The following DERA variants were observed in gnomAD, a reference collection of about 807,000 sequenced individuals.
DERA encodes the protein 2-deoxy-D-ribose 5-phosphate aldolase.
Under a neutral mutation model 41.1 loss-of-function variants are expected in DERA, and 15 were observed. That is an observed-to-expected ratio of 0.37 (90% CI 0.24 to 0.56). DERA has a LOEUF of 0.56. DERA is among the 20% of genes least tolerant of loss of function. The probability of loss-of-function intolerance (pLI) is 0.81; values close to 1 mark genes in which losing one functional copy is unlikely to be tolerated. For missense variants in DERA, 396 were observed against 403.4 expected, an observed-to-expected ratio of 0.98 and a Z score of 0.16; for synonymous variants, 139 against 137.4, an observed-to-expected ratio of 1.01 and a Z score of -0.08.
intron 6 of DERA, among the ~76,000 whole-genome samples, chr12:15,986,485 T>C (rs1183027228): frequency 6.6e-6 from 1 of 152,188 alleles, no homozygotes; most frequent in African/African-American, 2.4e-5. Flanking sequence ...ACAGACTCTT[T>C]GCACAAAATT....
In DERA at chr12:15,918,647, C is replaced by T. The variant is rs2136123276; in HGVS notation, c.31+7233C>T. Among the ~76,000 whole-genome samples, 1 of 152,294 alleles carries T rather than the reference C, an allele frequency of 6.6e-6. No homozygotes were observed. Among genetic ancestry groups the T allele is most frequent in the African/African-American group, 2.4e-5 (1 of 41,566 alleles). On this transcript the variant is annotated intron_variant, in intron 1 of 8. Transcript: ENST00000428559. This position sits in a 1 kb window ranked among gnomAD's most constrained non-coding sequence, Gnocchi z 4.3. Reference sequence around the variant, plus strand: ...TTCCTGGCACTTGTTACTTGCTGCTCATGGTCATGGCAGGGATGCCAAGGT... The same window carrying T: ...TTCCTGGCACTTGTTACTTGCTGCTTATGGTCATGGCAGGGATGCCAAGGT...
intron 5 of DERA, among the ~76,000 whole-genome samples, chr12:15,974,101 C>G (rs1375441569): frequency 6.6e-6 from 1 of 151,976 alleles, no homozygotes; most frequent in East Asian, 1.9e-4. Flanking sequence ...ACATATTTTT[C>G]TGGACCATTT....
chr12:15,932,930 C>A (rs559850542), intron 1 of DERA, among the ~76,000 whole-genome samples: 1 of 152,134 alleles, frequency 6.6e-6, no homozygotes, highest in Non-Finnish European at 1.5e-5. Flanking sequence ...ATTAAGTGAA[C>A]CCTTTATGTG....
chr12:16,001,458 C>A lies in DERA; in HGVS notation c.637+19022C>A, dbSNP rs1218950334. On this transcript the variant is annotated intron_variant, in intron 6 of 8. Coordinates refer to ENST00000428559, the MANE Select transcript of DERA (RefSeq NM_015954.4). This position sits in a 1 kb window ranked among gnomAD's most constrained non-coding sequence, Gnocchi z 4.1. The stretch of plus-strand genomic sequence containing the variant: ...GAGACAATTGACTCAGAGAAAAGAA[C>A]AACTCACACAGAGACCAGAAAGAGA... 6.6e-6 allele frequency among the ~76,000 whole-genome samples: 1 copy of A among 152,086 alleles called. No homozygotes were observed. The highest frequency in any genetic ancestry group is 1.5e-5 in the Non-Finnish European group (1 of 68,024).
At chr12:16,018,720 C>T (rs1410406070) in intron 6 of DERA, among the ~76,000 whole-genome samples, 1 of 151,966 alleles carries the variant, frequency 6.6e-6, no homozygotes, top group Non-Finnish European at 1.5e-5. Context: ...CTTAGAAAAG[C>T]TTTGAGTTGC....
rs1468055329 is a variant in DERA, at chr12:16,008,726, C to T, written c.638-23816C>T. 4.6e-5 allele frequency among the ~76,000 whole-genome samples: 7 copies of T among 152,134 alleles called. No homozygotes were observed. The highest frequency in any genetic ancestry group is 1.3e-4 in the Admixed American group (2 of 15,268). ...TCATCATTAGTGTCAGGATTGGGGC[C>T]GCTCTTGGCATTTCTCTCGTGGTTA... On this transcript the variant is annotated intron_variant, in intron 6 of 8. Coordinates refer to ENST00000428559, the MANE Select transcript of DERA (RefSeq NM_015954.4). The surrounding 1 kb of genome is among the most constrained non-coding windows in gnomAD (Gnocchi z 4.8).
At chr12:16,016,722 G>T (rs1019214186) in intron 6 of DERA, among the ~76,000 whole-genome samples, 1 of 141,106 alleles carries the variant, frequency 7.1e-6, no homozygotes, top group Non-Finnish European at 1.5e-5. Flanking sequence ...AACCCAGGAG[G>T]TCAAGGCTGC....
At chr12:16,023,227 G>A (rs1374484198) in intron 6 of DERA, among the ~76,000 whole-genome samples, 2 of 152,044 alleles carry the variant, frequency 1.3e-5, no homozygotes, top group Middle Eastern at 3.2e-3. Flanking sequence ...AAAATACATA[G>A]GCTCTCTGAA....
intron 1 of DERA, among the ~76,000 whole-genome samples, chr12:15,930,608 A>C (rs1401260329): frequency 6.6e-6 from 1 of 152,326 alleles, no homozygotes; most frequent in East Asian, 1.9e-4. Context: ...TTGCCAAAAT[A>C]GACATTGGTT....
chr12:15,987,617 C>G (rs1948773608), intron 6 of DERA, among the ~76,000 whole-genome samples: 1 of 152,112 alleles, frequency 6.6e-6, no homozygotes, highest in Non-Finnish European at 1.5e-5. Context: ...GAGTGTTAGA[C>G]TATTTGATAT....
chr12:16,004,499 A>G lies in DERA; in HGVS notation c.637+22063A>G, dbSNP rs889961768. Reference sequence around the variant, plus strand: ...TTCTTAATTTTTCTTAGTACATTGAAAAAAATTAAAGCTAGTAAGGAAAAG... The same window carrying G: ...TTCTTAATTTTTCTTAGTACATTGAGAAAAATTAAAGCTAGTAAGGAAAAG... On this transcript the variant is annotated intron_variant, in intron 6 of 8. Transcript: ENST00000428559. This position sits in a 1 kb window ranked among gnomAD's most constrained non-coding sequence, Gnocchi z 4.2. Among the ~76,000 whole-genome samples, 1 of 152,188 alleles carries G rather than the reference A, an allele frequency of 6.6e-6. No individual in the cohort carries two copies. The highest frequency in any genetic ancestry group is 2.4e-5 in the African/African-American group (1 of 41,452).
rs1179347917 is a variant in DERA, at chr12:16,012,911, GATTT to G, written c.638-19627_638-19624del. On this transcript the variant is annotated intron_variant, in intron 6 of 8. Coordinates refer to ENST00000428559, the MANE Select transcript of DERA (RefSeq NM_015954.4). The surrounding 1 kb of genome is among the most constrained non-coding windows in gnomAD (Gnocchi z 4.1). ...GTGTAGTGAATATAAAAATTATTGA[GATTT>G]ATTACATTGTATTTTTTTGTATTAG... Among the ~76,000 whole-genome samples, 1 of 152,136 alleles carries G rather than the reference GATTT, an allele frequency of 6.6e-6. No homozygotes were observed. Among genetic ancestry groups the G allele is most frequent in the Admixed American group, 6.5e-5 (1 of 15,272 alleles).
Position 15,999,969 on chromosome 12 carries a change from A to C in DERA, c.637+17533A>C, listed in dbSNP as rs374750264. On this transcript the variant is annotated intron_variant, in intron 6 of 8. Transcript: ENST00000428559. The surrounding 1 kb of genome is among the most constrained non-coding windows in gnomAD (Gnocchi z 5.3). ...GGAAGGCCATTAGGAAGCTGTGATA[A>C]CACTTCAGCTGACCATCACGAGCTC... Among the ~76,000 whole-genome samples the C allele has an allele frequency of 2.0e-5, 3 of 152,162 alleles. No homozygotes were observed. The highest frequency in any genetic ancestry group is 3.8e-4 in the East Asian group (2 of 5,196).
rs1290574846 is a variant in DERA, at chr12:16,036,465, T to TA, written c.900+89dup. On this transcript the variant is annotated intron_variant, in intron 8 of 8. Transcript: ENST00000428559. This position sits in a 1 kb window ranked among gnomAD's most constrained non-coding sequence, Gnocchi z 4.9. Reference sequence around the variant, plus strand: ...GAAAAGTCAAATTGAGAACTGGAGATAAAAACTCATCTGATTGACCTCATC... The same window carrying TA: ...GAAAAGTCAAATTGAGAACTGGAGATAAAAAACTCATCTGATTGACCTCATC... The TA allele has an allele frequency of 6.9e-7, 1 of 1,445,808 alleles. No individual in the cohort carries two copies. The highest frequency in any genetic ancestry group is 9.4e-7 in the Non-Finnish European group (1 of 1,067,990). 89.6% of individuals were successfully genotyped at this position (1,445,808 alleles called of 1,614,324 possible). A position where few individuals can be genotyped will look rare whatever the true frequency, so the allele number is the denominator to read the frequency against.
rs956950441 is a variant in DERA at position 15,940,392 on chromosome 12, C to T, written c.32-16544C>T. Among the ~76,000 whole-genome samples, 6 of 152,042 alleles carry T rather than the reference C, an allele frequency of 3.9e-5. No homozygotes were observed. The highest frequency in any genetic ancestry group is 8.8e-5 in the Non-Finnish European group (6 of 68,012). The stretch of plus-strand genomic sequence containing the variant: ...TTTGAGATGGAGTCTGGCTCTGTTA[C>T]ACAGGCTGGAGTACAGTGGCATGAT... On this transcript the variant is annotated intron_variant, in intron 1 of 8. Coordinates refer to ENST00000428559, the MANE Select transcript of DERA (RefSeq NM_015954.4). This position sits in a 1 kb window ranked among gnomAD's most constrained non-coding sequence, Gnocchi z 5.1.
intron 7 of DERA, chr12:16,033,057 T>A (rs191347454): frequency 5.6e-6 from 1 of 178,130 alleles, no homozygotes; most frequent in East Asian, 1.8e-4. Context: ...ATGGAAAGAA[T>A]TGCAGAGTAA....
chr12:15,980,467 T>C (rs1009682859), intron 5 of DERA, among the ~76,000 whole-genome samples: 4 of 152,270 alleles, frequency 2.6e-5, no homozygotes, highest in African/African-American at 9.6e-5. Flanking sequence ...AAAACAAGTT[T>C]CTTTTTTTAG....
chr12:15,971,508 C>CTTTTTTTT (rs56142412), intron 5 of DERA, among the ~76,000 whole-genome samples: 1 of 97,046 alleles, frequency 1.0e-5, no homozygotes, highest in Non-Finnish European at 1.9e-5. Context: ...TATCTCAACT[C>CTTTTTTTT]TTTTTTTTTT....
At chr12:16,007,234 A>G (rs1948917888) in intron 6 of DERA, among the ~76,000 whole-genome samples, 1 of 149,344 alleles carries the variant, frequency 6.7e-6, no homozygotes, top group Non-Finnish European at 1.5e-5. Flanking sequence ...CGCAGGCTGA[A>G]GCGCAGTGGC....
Sources: allele counts gnomAD v4.1 joint callset (sites outside exome capture counted in the v4.1 genomes callset), GRCh38; gene constraint gnomAD v4.1.1; non-coding constraint Gnocchi (gnomAD v3.1); transcripts MANE v1.5; gene names NCBI Gene and HGNC (gene_info 2026-07-23, HGNC 2026-07-21).